The following ADGRB3 variants were observed in gnomAD, a reference collection of about 807,000 sequenced individuals.
The protein encoded by ADGRB3 is adhesion G protein-coupled receptor B3.
In ADGRB3, 37 loss-of-function variants were observed where a neutral mutation model predicts 193.4. The ratio of observed to expected loss-of-function variants is 0.19; its 90% CI spans 0.15 to 0.25. ADGRB3 has a LOEUF of 0.25. Among genes scored for constraint, ADGRB3 ranks in the 10% least tolerant of loss-of-function variants. ADGRB3 has a pLI of 1.00. For synonymous variants in ADGRB3, 690 were observed against 644.2 expected (o/e 1.07, Z -1.08); for missense variants, 1,637 against 1,852.9 (o/e 0.88, Z 2.14).
intron 13 of ADGRB3, among the ~76,000 whole-genome samples, chr6:69,027,395 G>T (rs1009755714): frequency 2.0e-5 from 3 of 152,038 alleles, no homozygotes; most frequent in African/African-American, 7.2e-5. Flanking sequence ...TTTTCTTCCA[G>T]AATACCTCCT....
intron 8 of ADGRB3, among the ~76,000 whole-genome samples, chr6:68,969,962 A>G (rs1191788679): frequency 1.3e-5 from 2 of 152,118 alleles, no homozygotes; most frequent in African/African-American, 4.8e-5. Flanking sequence ...GGCCTCTCTC[A>G]CCAGACCATT....
At chr6:68,790,942 T>C (rs867897894) in intron 3 of ADGRB3, among the ~76,000 whole-genome samples, 31 of 151,928 alleles carry the variant, frequency 2.0e-4, no homozygotes, top group African/African-American at 7.2e-4. Flanking sequence ...AAATATCTTA[T>C]ATTGCCACTG....
At chr6:69,157,014 G>A (rs1448862755) in intron 17 of ADGRB3, among the ~76,000 whole-genome samples, 1 of 152,212 alleles carries the variant, frequency 6.6e-6, no homozygotes, top group Non-Finnish European at 1.5e-5. Context: ...CACTGAAGAA[G>A]TGGCGCAGCA....
chr6:68,813,715 T>C (rs543220584), intron 3 of ADGRB3, among the ~76,000 whole-genome samples: 412 of 152,104 alleles, frequency 2.7e-3, no homozygotes, highest in Middle Eastern at 0.014. Flanking sequence ...ACTCCCCTCA[T>C]CCCACAACAG....
intron 13 of ADGRB3, among the ~76,000 whole-genome samples, chr6:69,039,888 C>T (rs529594994): frequency 5.3e-5 from 8 of 151,490 alleles, no homozygotes; most frequent in South Asian, 2.1e-4. Flanking sequence ...ACTACAGGCG[C>T]GTGCCACCAC....
intron 3 of ADGRB3, among the ~76,000 whole-genome samples, chr6:68,855,793 A>G (rs574820453): frequency 3.9e-5 from 6 of 152,240 alleles, no homozygotes; most frequent in African/African-American, 1.2e-4. Flanking sequence ...CCACGGCAGG[A>G]AGATCGCTTG....
At chr6:68,826,179 C>A (rs780994019) in intron 3 of ADGRB3, among the ~76,000 whole-genome samples, 1 of 151,984 alleles carries the variant, frequency 6.6e-6, no homozygotes, top group Non-Finnish European at 1.5e-5. Context: ...GGCAAGATAA[C>A]AATTAAAAGG....
At chr6:68,690,343 G>A (rs1416575707) in intron 3 of ADGRB3, among the ~76,000 whole-genome samples, 1 of 151,992 alleles carries the variant, frequency 6.6e-6, no homozygotes, top group Non-Finnish European at 1.5e-5. Context: ...TGCTTTTGAG[G>A]CATGGAAACA....
intron 3 of ADGRB3, among the ~76,000 whole-genome samples, chr6:68,792,244 G>A (rs907877810): frequency 1.3e-5 from 2 of 152,092 alleles, no homozygotes; most frequent in Non-Finnish European, 2.9e-5. Flanking sequence ...ATCTTTAATG[G>A]TCAGGAATCC....
At chr6:69,164,773 A>G (rs1023695580) in intron 17 of ADGRB3, among the ~76,000 whole-genome samples, 3 of 152,126 alleles carry the variant, frequency 2.0e-5, no homozygotes, top group African/African-American at 7.2e-5. Context: ...GGGAACCTCA[A>G]TTTAAGGGGG....
intron 18 of ADGRB3, 74 bp from the exon 19 acceptor site, chr6:69,234,958 C>A: frequency 8.4e-7 from 1 of 1,197,112 alleles, no homozygotes; most frequent in Non-Finnish European, 1.2e-6. Context: ...GATAGGTTAG[C>A]TTTGCTGAGT....
Position 68,912,773 on chromosome 6 carries a change from G to C in ADGRB3, c.758-17786G>C, listed in dbSNP as rs559295005. On this transcript the variant is annotated intron_variant, in intron 3 of 31. Coordinates refer to ENST00000370598, the MANE Select transcript of ADGRB3 (RefSeq NM_001704.3). ...TTGCTTAATCCAGTGCCTCACTCGG[G>C]AAACACAAGGGGTCAGGGAGTTCCC... 6.6e-4 allele frequency among the ~76,000 whole-genome samples: 101 copies of C among 152,244 alleles called. 1 individual carries two copies. The highest frequency in any genetic ancestry group is 1.8e-4 in the Non-Finnish European group (12 of 68,016).
chr6:69,347,242 GA>G (rs1470112537), intron 26 of ADGRB3, among the ~76,000 whole-genome samples: 13 of 152,118 alleles, frequency 8.5e-5, no homozygotes, highest in African/African-American at 3.1e-4. Flanking sequence ...AGCATTAGGA[GA>G]AATACCTAAT....
chr6:68,888,923 T>C (rs1168635729), intron 3 of ADGRB3, among the ~76,000 whole-genome samples: 2 of 152,176 alleles, frequency 1.3e-5, no homozygotes, highest in Non-Finnish European at 2.9e-5. Context: ...CTATTTTGAT[T>C]TTTTTCAAAG....
chr6:68,692,668 C>A (rs1765095210), intron 3 of ADGRB3, among the ~76,000 whole-genome samples: 1 of 151,716 alleles, frequency 6.6e-6, no homozygotes, highest in African/African-American at 2.4e-5. Flanking sequence ...CTCAAACAAC[C>A]ACTTTAAAAT....
chr6:68,884,068 A>G (rs1334249594), intron 3 of ADGRB3, among the ~76,000 whole-genome samples: 1 of 152,196 alleles, frequency 6.6e-6, no homozygotes, highest in Non-Finnish European at 1.5e-5. Flanking sequence ...ACTAAATGTG[A>G]CACCTGAGCT....
intron 17 of ADGRB3, among the ~76,000 whole-genome samples, chr6:69,101,432 T>TGTG (rs1562159870): frequency 3.6e-5 from 2 of 55,686 alleles, no homozygotes; most frequent in South Asian, 9.7e-4. Context: ...ACAGTAAGTA[T>TGTG]CGTGTGTGTG....
intron 10 of ADGRB3, among the ~76,000 whole-genome samples, chr6:68,977,091 A>C (rs1243539167): frequency 6.7e-6 from 1 of 149,452 alleles, no homozygotes; most frequent in Non-Finnish European, 1.5e-5. Context: ...ATAAATATAA[A>C]TATACACATG....
intron 17 of ADGRB3, among the ~76,000 whole-genome samples, chr6:69,225,135 C>G (rs1169170180): frequency 6.6e-6 from 1 of 152,082 alleles, no homozygotes; most frequent in Non-Finnish European, 1.5e-5. Context: ...ATCTGACTTG[C>G]ATTCAGTCTT....
Sources: allele counts gnomAD v4.1 joint callset (sites outside exome capture counted in the v4.1 genomes callset), GRCh38; gene constraint gnomAD v4.1.1; transcripts MANE v1.5; gene names NCBI Gene and HGNC (gene_info 2026-07-23, HGNC 2026-07-21).